The following SSR1 variants were observed in gnomAD, a reference collection of about 807,000 sequenced individuals.
SSR1 encodes the protein signal sequence receptor subunit 1, also known as translocon-associated protein subunit alpha.
A neutral mutation model predicts 36.1 loss-of-function variants in SSR1; 13 were observed. That is an observed-to-expected ratio of 0.36 (90% CI 0.23 to 0.57). SSR1 has a LOEUF of 0.57. SSR1 is among the 20% of genes least tolerant of loss of function. The pLI, the probability that SSR1 is intolerant of heterozygous loss-of-function variation, is 0.81. For synonymous variants in SSR1, 113 were observed against 118.9 expected, an observed-to-expected ratio of 0.95 and a Z score of 0.32; for missense variants, 291 against 338.5, an observed-to-expected ratio of 0.86 and a Z score of 1.10.
chr6:7,304,657 A>T (rs976215852), intron 2 of SSR1, among the ~76,000 whole-genome samples: 33 of 152,226 alleles, frequency 2.2e-4, no homozygotes, highest in Non-Finnish European at 5.9e-5. Context: ...ATCTCAACAA[A>T]TTTTTTTAAA....
intron 1 of SSR1, among the ~76,000 whole-genome samples, chr6:7,310,709 A>C (rs1758174215): frequency 6.6e-6 from 1 of 152,078 alleles, no homozygotes; most frequent in South Asian, 2.1e-4. Flanking sequence ...CCAGGAGTTC[A>C]AGACCAGCCT....
intron 2 of SSR1, among the ~76,000 whole-genome samples, chr6:7,303,869 CCCAGCTACTCGGAAGGCT>C (rs780151883): frequency 6.6e-6 from 1 of 152,112 alleles, no homozygotes; most frequent in Non-Finnish European, 1.5e-5. Context: ...TGCCTGTAAT[CCCAGCTACTCGGAAGGCT>C]AAGGCAGGAG....
intron 3 of SSR1, among the ~76,000 whole-genome samples, chr6:7,302,115 T>C (rs938925683): frequency 2.6e-5 from 4 of 152,210 alleles, no homozygotes; most frequent in African/African-American, 9.6e-5. Flanking sequence ...AAAAAAAGCA[T>C]AATAAAATTA....
At chr6:7,306,692 G>A (rs1404615254) in intron 2 of SSR1, among the ~76,000 whole-genome samples, 11 of 151,070 alleles carry the variant, frequency 7.3e-5, no homozygotes, top group Middle Eastern at 3.4e-3. Context: ...CGAGGCGGGC[G>A]GATCACGAGG....
At position 7,301,386 on chromosome 6, in the gene SSR1, T is replaced by G. The variant is rs1581633047; in HGVS notation, c.467A>C (p.Tyr156Ser). 1 of 1,614,000 alleles carries G rather than the reference T, an allele frequency of 6.2e-7. No homozygotes were observed. Among genetic ancestry groups the G allele is most frequent in the East Asian group, 2.2e-5 (1 of 44,870 alleles). The stretch of plus-strand genomic sequence containing the variant: ...CATGGGCTCTGCAGGAATGAAAGAG[T>G]ACTCAAAAGTTGCCTGTCTCTGGGG... ...VPPQRQATFE[Y>S]SFIPAEPMGG... is the part of the protein sequence containing the mutation. The change falls in exon 4 of 8, where the codon TAC becomes TCC. Residue 156 changes from tyrosine to serine, a missense_variant. Tyr to Ser is a moderately radical substitution (Grantham distance 144). Coordinates refer to ENST00000244763, the MANE Select transcript of SSR1 (RefSeq NM_003144.5).
At chr6:7,292,331 A>G (rs1757702149) in intron 7 of SSR1, among the ~76,000 whole-genome samples, 1 of 142,494 alleles carries the variant, frequency 7.0e-6, no homozygotes, top group African/African-American at 2.5e-5. Context: ...GCCTAAGTTC[A>G]GAATGCTCTT....
intron 4 of SSR1, among the ~76,000 whole-genome samples, chr6:7,300,840 A>G (rs1478699821): frequency 6.6e-6 from 1 of 152,066 alleles, no homozygotes; most frequent in African/African-American, 2.4e-5. Flanking sequence ...ACAGGGTTTC[A>G]CCAGGTTGGC....
chr6:7,302,640 T>C (rs1008700140), intron 3 of SSR1, among the ~76,000 whole-genome samples: 6 of 151,916 alleles, frequency 3.9e-5, no homozygotes, highest in Admixed American at 2.6e-4. Flanking sequence ...AGCGTGCCTG[T>C]AGTCTTGGCT....
rs998369144 is a variant in SSR1, at chr6:7,287,041, G to A, written c.*2823C>T. ...CTAGTCTTGGCAAGAGATGGTATGTGTCACTGAGTTTTAAAAAATTATTTC... is the reference window on the plus strand; with the variant it reads ...CTAGTCTTGGCAAGAGATGGTATGTATCACTGAGTTTTAAAAAATTATTTC... On this transcript the variant is annotated 3_prime_UTR_variant, in exon 8 of 8. Coordinates refer to ENST00000244763, the MANE Select transcript of SSR1 (RefSeq NM_003144.5). The A allele has an allele frequency of 6.6e-6, 1 of 151,778 alleles. No homozygotes were observed. Among genetic ancestry groups the A allele is most frequent in the Non-Finnish European group, 1.5e-5 (1 of 67,972 alleles). 9.4% of individuals were successfully genotyped at this position (151,778 alleles called of 1,614,324 possible).
intron 1 of SSR1, among the ~76,000 whole-genome samples, chr6:7,311,266 C>G (rs1758189604): frequency 6.6e-6 from 1 of 151,428 alleles, no homozygotes; most frequent in African/African-American, 2.4e-5. Flanking sequence ...CTAAGTAAGT[C>G]ACATTATATC....
chr6:7,293,345 C>G (rs907028212), intron 7 of SSR1, among the ~76,000 whole-genome samples: 1 of 152,036 alleles, frequency 6.6e-6, no homozygotes, highest in Non-Finnish European at 1.5e-5. Context: ...CCCTCACCCC[C>G]CTCCTACCCT....
At position 7,303,530 on chromosome 6, in the gene SSR1, AACT is replaced by A; in HGVS notation, c.280+17_280+19del. 5.1e-6 allele frequency: 8 copies of A among 1,567,748 alleles called. No homozygotes were observed. The highest frequency in any genetic ancestry group is 7.0e-6 in the Non-Finnish European group (8 of 1,146,334). ...TTTAAAATGCCTACATCTGAATTAA[AACT>A]AATACTTCTGTATTACCTTCTCCTT... is the stretch of plus-strand genomic sequence containing the variant. On this transcript the variant is annotated intron_variant, in intron 3 of 7. Transcript: ENST00000244763.
rs139251323 is a variant in SSR1 at position 7,288,065 on chromosome 6, C to T, written c.*1799G>A. ...GCTGTAACTCAGTGTGGTTTTGCAG[C>T]TGCCTACGTTAGTACCAGGTATTCC... On this transcript the variant is annotated 3_prime_UTR_variant, in exon 8 of 8. Coordinates refer to ENST00000244763, the MANE Select transcript of SSR1 (RefSeq NM_003144.5). 63 of 152,340 alleles carry T rather than the reference C, an allele frequency of 4.1e-4. No individual in the cohort carries two copies. Among genetic ancestry groups the T allele is most frequent in the African/African-American group, 1.5e-3 (62 of 41,572 alleles). The allele number at this position is 152,340 out of a possible 1,614,324, so 9.4% of individuals were successfully genotyped here.
At position 7,298,789 on chromosome 6, in the gene SSR1, G is replaced by C; in HGVS notation, c.578C>G (p.Thr193Arg). The C allele has an allele frequency of 6.2e-7, 1 of 1,613,306 alleles. No individual in the cohort carries two copies. The highest frequency in any genetic ancestry group is 8.5e-7 in the Non-Finnish European group (1 of 1,179,754). Residue 193 changes from threonine (T) to arginine (R), a missense_variant, in exon 5 of 8, where the codon ACA (threonine) becomes AGA (arginine). Transcript: ENST00000244763. ...NVFQDAVFNQTVTVIEREDGL... is the reference protein window; with the variant it reads ...NVFQDAVFNQRVTVIEREDGL... ...ATCCTCTCTTTCAATAACTGTAACTGTTTGATTGAAGACTGCATCTTGGAA... is the reference window on the plus strand; with the variant it reads ...ATCCTCTCTTTCAATAACTGTAACTCTTTGATTGAAGACTGCATCTTGGAA...
At position 7,286,151 on chromosome 6, in the gene SSR1, C is replaced by T. The variant is rs936905900; in HGVS notation, c.*3713G>A. On this transcript the variant is annotated 3_prime_UTR_variant, in exon 8 of 8. Coordinates refer to ENST00000244763, the MANE Select transcript of SSR1 (RefSeq NM_003144.5). ...ACTAGAAAACAAACAGAACACAGCA[C>T]GTGATTGATGTTTAATAAATGAGTT... The T allele has an allele frequency of 2.0e-5, 3 of 151,976 alleles. No homozygotes were observed. Among genetic ancestry groups the T allele is most frequent in the Non-Finnish European group, 4.4e-5 (3 of 68,016 alleles). 9.4% of individuals were successfully genotyped at this position (151,976 alleles called of 1,614,324 possible). A position where few individuals can be genotyped will look rare whatever the true frequency, so the allele number is the denominator to read the frequency against.
intron 2 of SSR1, among the ~76,000 whole-genome samples, chr6:7,307,574 C>T (rs1354458231): frequency 6.6e-6 from 1 of 152,186 alleles, no homozygotes; most frequent in East Asian, 1.9e-4. Flanking sequence ...CAGGGTCTGA[C>T]TCTATCACCC....
chr6:7,296,214 C>G (rs897323232), intron 6 of SSR1, among the ~76,000 whole-genome samples: 5 of 151,662 alleles, frequency 3.3e-5, no homozygotes, highest in Non-Finnish European at 5.9e-5. Flanking sequence ...AAAAAAAACC[C>G]AAGAAACCAA....
chr6:7,313,186 G>T lies in SSR1; in HGVS notation c.-66C>A, dbSNP rs1019213432. 2.1e-5 allele frequency: 30 copies of T among 1,451,070 alleles called. No homozygotes were observed. The highest frequency in any genetic ancestry group is 5.2e-5 in the East Asian group (2 of 38,266). 89.9% of individuals were successfully genotyped at this position (1,451,070 alleles called of 1,614,324 possible). On this transcript the variant is annotated 5_prime_UTR_variant, in exon 1 of 8. Transcript: ENST00000244763. ...TCTCGGCGGCTCCGGCGGTAATGGC[G>T]TTACTCTTCATCCGGGCTCCGGGCA...
chr6:7,310,354 G>C (rs951250906), intron 1 of SSR1, among the ~76,000 whole-genome samples: 1 of 151,708 alleles, frequency 6.6e-6, no homozygotes, highest in Non-Finnish European at 1.5e-5. Flanking sequence ...CAGCTTCCTG[G>C]GTAGCTAGGA....
Sources: gnomAD v4.1 joint callset for allele counts (sites outside exome capture counted in the v4.1 genomes callset) on GRCh38, gnomAD v4.1.1 for gene constraint, MANE v1.5 for transcripts, NCBI Gene and HGNC (gene_info 2026-07-23, HGNC 2026-07-21) for gene names.